NLGN1: variants seen among roughly 807,000 people sequenced by gnomAD.
The protein encoded by NLGN1 is neuroligin 1.
NLGN1 carries 12 observed loss-of-function variants against 65.5 expected under a neutral mutation model. The ratio of observed to expected loss-of-function variants is 0.18; its 90% CI spans 0.12 to 0.30. The LOEUF (loss-of-function observed/expected upper bound fraction) is 0.30. NLGN1 is among the 10% of genes least tolerant of loss of function. NLGN1 has a pLI of 1.00. For synonymous variants in NLGN1, 350 were observed against 359.5 expected (o/e 0.97, Z 0.30); for missense variants, 750 against 1,007.1 (o/e 0.74, Z 3.46).
intron 4 of NLGN1, among the ~76,000 whole-genome samples, chr3:174,264,535 A>G (rs1287384480): frequency 6.7e-6 from 1 of 149,922 alleles, no homozygotes; most frequent in Non-Finnish European, 1.5e-5. Flanking sequence ...CAGCTCCATC[A>G]GCTCCTTTAA....
At chr3:174,120,851 C>G (rs531978420) in intron 4 of NLGN1, among the ~76,000 whole-genome samples, 1 of 152,272 alleles carries the variant, frequency 6.6e-6, no homozygotes, top group Admixed American at 6.5e-5. Flanking sequence ...CCTTGGAACT[C>G]AAACATAATT....
At chr3:173,616,947 G>T (rs1282961538) in intron 3 of NLGN1, among the ~76,000 whole-genome samples, 1 of 152,030 alleles carries the variant, frequency 6.6e-6, no homozygotes, top group Non-Finnish European at 1.5e-5. Flanking sequence ...AAGACTCTAC[G>T]TAGTAACTCT....
chr3:173,575,938 T>C (rs570792436), intron 2 of NLGN1, among the ~76,000 whole-genome samples: 4 of 152,242 alleles, frequency 2.6e-5, no homozygotes, highest in African/African-American at 7.2e-5. Context: ...TCTTTTTAAC[T>C]TGTTTCTTAT....
chr3:173,527,820 T>TG (rs1735906945), intron 2 of NLGN1, among the ~76,000 whole-genome samples: 1 of 152,248 alleles, frequency 6.6e-6, no homozygotes, highest in Admixed American at 6.5e-5. Flanking sequence ...TAGGTGTCTT[T>TG]AGGCATTAGG....
chr3:174,221,055 A>G (rs1010922345), intron 4 of NLGN1, among the ~76,000 whole-genome samples: 2 of 152,194 alleles, frequency 1.3e-5, no homozygotes, highest in Non-Finnish European at 2.9e-5. Flanking sequence ...AGTTGGTTCA[A>G]TCTCTTAATC....
chr3:173,916,421 A>C (rs934031756), intron 4 of NLGN1, among the ~76,000 whole-genome samples: 4 of 152,182 alleles, frequency 2.6e-5, no homozygotes, highest in Non-Finnish European at 4.4e-5. Context: ...TATAAGCTCT[A>C]GCTTAAGGAA....
intron 4 of NLGN1, among the ~76,000 whole-genome samples, chr3:173,927,855 G>A (rs1743303984): frequency 6.6e-6 from 1 of 152,150 alleles, no homozygotes; most frequent in African/African-American, 2.4e-5. Context: ...CAGCTGCAGA[G>A]GGCCCTGTGA....
chr3:174,033,116 ACTT>A lies in NLGN1; in HGVS notation c.646+225290_646+225292del, dbSNP rs200028632. On this transcript the variant is annotated intron_variant, in intron 4 of 6. Transcript: ENST00000457714. ...AGATTAAATCATAAGATTATAAAATACTTCTTCTCCCCCACACTGTACCACCGC... is the reference window on the plus strand; with the variant it reads ...AGATTAAATCATAAGATTATAAAATACTTCTCCCCCACACTGTACCACCGC... Among the ~76,000 whole-genome samples, 936 of 152,148 alleles carry A rather than the reference ACTT, an allele frequency of 6.2e-3. 11 individuals are homozygous for A. The highest frequency in any genetic ancestry group is 0.021 in the African/African-American group (878 of 41,494).
chr3:173,840,372 C>A (rs1304647218), intron 4 of NLGN1, among the ~76,000 whole-genome samples: 1 of 152,080 alleles, frequency 6.6e-6, no homozygotes, highest in Non-Finnish European at 1.5e-5. Flanking sequence ...ATAAAGATAA[C>A]TAATTTGATA....
intron 3 of NLGN1, among the ~76,000 whole-genome samples, chr3:173,770,021 T>G (rs1317187959): frequency 6.6e-6 from 1 of 152,202 alleles, no homozygotes; most frequent in South Asian, 2.1e-4. Flanking sequence ...TTCTGTTATA[T>G]TCCAAGGATA....
intron 4 of NLGN1, among the ~76,000 whole-genome samples, chr3:174,256,549 GTGTT>G (rs1243502855): frequency 6.6e-6 from 1 of 152,068 alleles, no homozygotes; most frequent in African/African-American, 2.4e-5. Context: ...GTGTGCATGT[GTGTT>G]TGTGTGTGTG....
chr3:173,527,865 G>A (rs1397044958), intron 2 of NLGN1, among the ~76,000 whole-genome samples: 1 of 152,130 alleles, frequency 6.6e-6, no homozygotes, highest in Non-Finnish European at 1.5e-5. Flanking sequence ...GTTGGGTCTT[G>A]TTTTTGTTGG....
chr3:173,415,889 A>T (rs1297534342), intron 1 of NLGN1, among the ~76,000 whole-genome samples: 1 of 129,824 alleles, frequency 7.7e-6, no homozygotes, highest in Non-Finnish European at 1.6e-5. Flanking sequence ...TGCAAGGAGT[A>T]AATATATATA....
intron 2 of NLGN1, among the ~76,000 whole-genome samples, chr3:173,441,694 A>C (rs991123642): frequency 6.6e-6 from 1 of 152,200 alleles, no homozygotes; most frequent in African/African-American, 2.4e-5. Flanking sequence ...TCACAGATCA[A>C]CGTAACAGAT....
At chr3:174,152,307 T>G (rs140361638) in intron 4 of NLGN1, among the ~76,000 whole-genome samples, 1 of 152,146 alleles carries the variant, frequency 6.6e-6, no homozygotes, top group Non-Finnish European at 1.5e-5. Context: ...ATATATCATC[T>G]AAACCATATT....
chr3:173,555,655 TA>T (rs897879953), intron 2 of NLGN1, among the ~76,000 whole-genome samples: 45 of 152,120 alleles, frequency 3.0e-4, no homozygotes, highest in Non-Finnish European at 5.6e-4. Flanking sequence ...TAAATATACA[TA>T]TTTTTTTGTA....
intron 4 of NLGN1, among the ~76,000 whole-genome samples, chr3:173,974,401 C>A (rs2152380700): frequency 6.6e-6 from 1 of 152,084 alleles, no homozygotes; most frequent in Non-Finnish European, 1.5e-5. Flanking sequence ...AGTCCTTGAA[C>A]TTTGACTCAT....
intron 4 of NLGN1, among the ~76,000 whole-genome samples, chr3:173,989,528 A>G (rs1447220875): frequency 6.6e-6 from 1 of 152,188 alleles, no homozygotes; most frequent in African/African-American, 2.4e-5. Flanking sequence ...GATGCAGTGA[A>G]TCAAGTATAG....
At chr3:173,415,868 C>T (rs1560220333) in intron 1 of NLGN1, among the ~76,000 whole-genome samples, 3 of 147,136 alleles carry the variant, frequency 2.0e-5, no homozygotes, top group Admixed American at 1.4e-4. Flanking sequence ...AGAACTCTAC[C>T]TGTGGAACAT....
Sources: allele counts gnomAD v4.1 joint callset (sites outside exome capture counted in the v4.1 genomes callset), GRCh38; gene constraint gnomAD v4.1.1; transcripts MANE v1.5; gene names NCBI Gene and HGNC (gene_info 2026-07-23, HGNC 2026-07-21).